OR10G3: variants seen among roughly 807,000 people sequenced by gnomAD.
OR10G3 encodes the protein olfactory receptor 10G3.
In OR10G3, 8 loss-of-function variants were observed where a neutral mutation model predicts 13.4. That is an observed-to-expected ratio of 0.60 (90% confidence interval 0.35 to 1.08). The LOEUF (loss-of-function observed/expected upper bound fraction) is 1.08. OR10G3 is among the 50% of genes least tolerant of loss of function. OR10G3 has a pLI of 0.02. For missense variants in OR10G3, 393 were observed against 386.6 expected (o/e 1.02, Z -0.14); for synonymous variants, 142 against 156.1 (o/e 0.91, Z 0.67).
intron 1 of OR10G3, among the ~76,000 whole-genome samples, chr14:21,574,097 A>G (rs1594490798): frequency 6.6e-6 from 1 of 151,904 alleles, no homozygotes; most frequent in Admixed American, 6.6e-5. Flanking sequence ...AGGTCAGGAG[A>G]TGGAGACCAT....
intron 1 of OR10G3, among the ~76,000 whole-genome samples, chr14:21,578,306 G>A (rs1876806079): frequency 1.3e-5 from 2 of 152,112 alleles, no homozygotes; most frequent in Admixed American, 1.3e-4. Context: ...AGCTACACAG[G>A]AGGCTGAGGC....
intron 1 of OR10G3, among the ~76,000 whole-genome samples, chr14:21,574,137 A>G (rs1415422465): frequency 6.6e-6 from 1 of 151,920 alleles, no homozygotes; most frequent in Non-Finnish European, 1.5e-5. Flanking sequence ...CCCCGTCTCT[A>G]CTAAAAATAC....
intron 1 of OR10G3, among the ~76,000 whole-genome samples, chr14:21,578,333 C>A (rs1049701697): frequency 2.6e-5 from 4 of 152,008 alleles, no homozygotes; most frequent in Non-Finnish European, 5.9e-5. Context: ...GTAGCTTGAA[C>A]CCGGAAGGCA....
At chr14:21,570,827 G>T in intron 1 of OR10G3, 66 bp from the exon 2 acceptor site, 1 of 936,560 alleles carries the variant, frequency 1.1e-6, no homozygotes, top group Non-Finnish European at 1.6e-6. Context: ...ACTAGAAAGA[G>T]ATTGTAAAAA....
rs1893040202 is a variant in OR10G3 at position 21,569,684 on chromosome 14, A to G, written c.*119T>C. The G allele has an allele frequency of 2.6e-6, 2 of 765,978 alleles. No individual in the cohort carries two copies. The highest frequency in any genetic ancestry group is 4.2e-6 in the Non-Finnish European group (2 of 474,882). 47.4% of individuals were successfully genotyped at this position (765,978 alleles called of 1,614,324 possible). ...AGTATTTTACCTTAAACTGTGTTTGATCATACAGTATGGCTATATAAAAGA... is the reference window on the plus strand; with the variant it reads ...AGTATTTTACCTTAAACTGTGTTTGGTCATACAGTATGGCTATATAAAAGA... On this transcript the variant is annotated 3_prime_UTR_variant, in exon 2 of 2. Coordinates refer to ENST00000641040, the MANE Select transcript of OR10G3 (RefSeq NM_001005465.2).
Position 21,580,070 on chromosome 14 carries a change from G to A in OR10G3, c.-302C>T, listed in dbSNP as rs1487250389. Reference sequence around the variant, plus strand: ...TTACTGAAGATAACTGTTAAGGTTGGTCTCTCCTGTGTTCTACTACTTCTT... The same window carrying A: ...TTACTGAAGATAACTGTTAAGGTTGATCTCTCCTGTGTTCTACTACTTCTT... On this transcript the variant is annotated 5_prime_UTR_variant, in exon 1 of 2. Coordinates refer to ENST00000641040, the MANE Select transcript of OR10G3 (RefSeq NM_001005465.2). 6.6e-6 allele frequency: 1 copy of A among 152,164 alleles called. No individual in the cohort carries two copies. The highest frequency in any genetic ancestry group is 1.9e-4 in the East Asian group (1 of 5,198). 9.4% of individuals were successfully genotyped at this position (152,164 alleles called of 1,614,324 possible).
intron 1 of OR10G3, among the ~76,000 whole-genome samples, chr14:21,574,421 T>C (rs1893106174): frequency 6.6e-6 from 1 of 152,080 alleles, no homozygotes; most frequent in African/African-American, 2.4e-5. Flanking sequence ...TTCTGATTAA[T>C]GATTCTCTCT....
intron 1 of OR10G3, among the ~76,000 whole-genome samples, chr14:21,575,716 C>T (rs1443095174): frequency 4.6e-5 from 7 of 152,170 alleles, no homozygotes; most frequent in African/African-American, 1.4e-4. Context: ...TTTAAAACTG[C>T]TGTACCCAAG....
At chr14:21,578,511 T>C (rs926269372) in intron 1 of OR10G3, among the ~76,000 whole-genome samples, 7 of 152,060 alleles carry the variant, frequency 4.6e-5, no homozygotes, top group Non-Finnish European at 7.4e-5. Context: ...GACCACAAAC[T>C]AAATAAAAGT....
chr14:21,572,328 G>T (rs1447326483), intron 1 of OR10G3, among the ~76,000 whole-genome samples: 1 of 118,094 alleles, frequency 8.5e-6, no homozygotes, highest in African/African-American at 3.2e-5. Flanking sequence ...GCCAGGTGTG[G>T]TGGCTCACGC....
In OR10G3 at chr14:21,576,955, T is replaced by A. The variant is rs1324789283; in HGVS notation, c.-18+2831A>T. Among the ~76,000 whole-genome samples, 11 of 152,314 alleles carry A rather than the reference T, an allele frequency of 7.2e-5. No homozygotes were observed. The East Asian group carries it at 2.1e-3, about 29-fold the overall frequency. Reference sequence around the variant, plus strand: ...CCAGTTACCTCTTTTTGTTTTCTTCTTTTTGTTTCTCTAACTTTTTGCTCC... The same window carrying A: ...CCAGTTACCTCTTTTTGTTTTCTTCATTTTGTTTCTCTAACTTTTTGCTCC... On this transcript the variant is annotated intron_variant, in intron 1 of 1. Coordinates refer to ENST00000641040, the MANE Select transcript of OR10G3 (RefSeq NM_001005465.2).
At chr14:21,574,825 C>T (rs894317651) in intron 1 of OR10G3, 6 of 152,108 alleles carry the variant, frequency 3.9e-5, no homozygotes, top group African/African-American at 1.4e-4. Flanking sequence ...TTGGCACGCA[C>T]CTGTGTTCCC....
Position 21,570,214 on chromosome 14 carries a change from G to T in OR10G3, c.531C>A (p.Tyr177Ter), listed in dbSNP as rs1156281166. The change falls in exon 2 of 2, where the codon TAC (tyrosine) becomes TAA (stop). Residue 177 changes from tyrosine (Y) to a stop codon, truncating the protein, a stop_gained. Transcript: ENST00000641040. LOFTEE classifies it high-confidence loss of function. ...ACACTGCAGGGATGTCACAGAAGAA[G>T]TAATCCACCTGATTGGGCCCACAGT... ...LPYCGPNQVD[Y>*]FFCDIPAVLR... 8 of 1,614,094 alleles carry T rather than the reference G, an allele frequency of 5.0e-6. No individual in the cohort carries two copies. The African/African-American group carries it at 1.1e-4, about 22-fold the overall frequency.
At position 21,569,488 on chromosome 14, in the gene OR10G3, C is replaced by G. The variant is rs1893038637; in HGVS notation, c.*315G>C. On this transcript the variant is annotated 3_prime_UTR_variant, in exon 2 of 2. Coordinates refer to ENST00000641040, the MANE Select transcript of OR10G3 (RefSeq NM_001005465.2). ...ATATTGGGAAATATCATATTGAACT[C>G]TACGTTTTGGTGTGGGAGAATTTAT... The G allele has an allele frequency of 4.0e-6, 1 of 249,952 alleles. No homozygotes were observed. Among genetic ancestry groups the G allele is most frequent in the Non-Finnish European group, 7.7e-6 (1 of 129,646 alleles). 15.5% of individuals were successfully genotyped at this position (249,952 alleles called of 1,614,324 possible).
intron 1 of OR10G3, among the ~76,000 whole-genome samples, chr14:21,571,037 A>G (rs969265150): frequency 1.3e-5 from 2 of 152,142 alleles, no homozygotes; most frequent in African/African-American, 4.8e-5. Flanking sequence ...AACATAAACT[A>G]TTTACTCCCT....
intron 1 of OR10G3, among the ~76,000 whole-genome samples, chr14:21,573,401 A>G (rs777576894): frequency 6.6e-6 from 1 of 152,090 alleles, no homozygotes; most frequent in Non-Finnish European, 1.5e-5. Flanking sequence ...AGCTGGGTGC[A>G]GTGGCTCACG....
intron 1 of OR10G3, among the ~76,000 whole-genome samples, chr14:21,573,571 T>G (rs994402310): frequency 1.7e-4 from 24 of 137,430 alleles, no homozygotes; most frequent in African/African-American, 6.1e-4. Flanking sequence ...ACTCAGGAGG[T>G]CGAGGCGGCA....
intron 1 of OR10G3, among the ~76,000 whole-genome samples, chr14:21,576,842 T>C (rs944915002): frequency 6.6e-6 from 1 of 152,210 alleles, no homozygotes; most frequent in Admixed American, 6.5e-5. Flanking sequence ...TGTCCTTAGA[T>C]TTCAGAACCA....
chr14:21,575,963 C>T (rs907827841), intron 1 of OR10G3, among the ~76,000 whole-genome samples: 12 of 152,218 alleles, frequency 7.9e-5, no homozygotes, highest in African/African-American at 2.4e-4. Flanking sequence ...CTCCTCCCCG[C>T]GTTCCTTGAC....
Sources: gnomAD v4.1 joint callset for allele counts (sites outside exome capture counted in the v4.1 genomes callset) on GRCh38, gnomAD v4.1.1 for gene constraint, MANE v1.5 for transcripts, NCBI Gene and HGNC (gene_info 2026-07-23, HGNC 2026-07-21) for gene names.